NTM: variants seen among roughly 807,000 people sequenced by gnomAD.
NTM encodes IgLON family member 2.
NTM carries 13 observed loss-of-function variants against 42.1 expected under a neutral mutation model. That is an observed-to-expected ratio of 0.31 (90% CI 0.20 to 0.49). The LOEUF is 0.49. Ranked by LOEUF, NTM falls within the 20% of genes least tolerant of loss-of-function variation. NTM has a pLI of 0.99. For missense variants in NTM, 373 were observed against 452.8 expected, an observed-to-expected ratio of 0.82 and a Z score of 1.60; for synonymous variants, 187 against 179.2, an observed-to-expected ratio of 1.04 and a Z score of -0.35.
At chr11:131,761,916 C>G (rs74953229) in intron 1 of NTM, among the ~76,000 whole-genome samples, 7 of 150,342 alleles carry the variant, frequency 4.7e-5, no homozygotes, top group Non-Finnish European at 7.4e-5. Context: ...CTCTCTGTCT[C>G]TCTCTTCACT....
intron 1 of NTM, among the ~76,000 whole-genome samples, chr11:131,726,645 A>G (rs1169357475): frequency 6.6e-6 from 1 of 151,190 alleles, no homozygotes; most frequent in East Asian, 1.9e-4. Flanking sequence ...CCTCTTCCCA[A>G]GCCTCAGTTT....
intron 2 of NTM, among the ~76,000 whole-genome samples, chr11:132,027,378 T>C (rs1007459284): frequency 2.0e-5 from 3 of 152,204 alleles, no homozygotes; most frequent in African/African-American, 7.2e-5. Context: ...AACGATATCA[T>C]TTTCATTTTC....
intron 2 of NTM, among the ~76,000 whole-genome samples, chr11:132,004,164 T>C (rs2135337245): frequency 6.6e-6 from 1 of 152,182 alleles, no homozygotes; most frequent in East Asian, 1.9e-4. Flanking sequence ...AGGGGGGCAT[T>C]GGGAGAGTAA....
intron 1 of NTM, among the ~76,000 whole-genome samples, chr11:131,387,445 C>T (rs74471387): frequency 0.022 from 3,295 of 152,306 alleles, 106 homozygotes; most frequent in African/African-American, 0.075. Flanking sequence ...CGGGAATGTT[C>T]TTCCTGCAGG....
chr11:132,283,804 G>T (rs1208338741), intron 4 of NTM, among the ~76,000 whole-genome samples: 1 of 152,064 alleles, frequency 6.6e-6, no homozygotes, highest in Non-Finnish European at 1.5e-5. Context: ...TGTTCAATGG[G>T]GGGCTTTAGA....
chr11:131,911,028 C>G (rs2054812658), intron 1 of NTM: 3 of 1,031,948 alleles, frequency 2.9e-6, no homozygotes, highest in Middle Eastern at 4.9e-4. Flanking sequence ...GGATGTCCCC[C>G]GTTCGAACTG....
At chr11:131,499,504 C>T (rs2046461700) in intron 1 of NTM, among the ~76,000 whole-genome samples, 1 of 152,220 alleles carries the variant, frequency 6.6e-6, no homozygotes, top group Non-Finnish European at 1.5e-5. Flanking sequence ...TTCACTTTTG[C>T]TTCTTTCCAA....
At chr11:132,243,578 C>T (rs1199381399) in intron 4 of NTM, among the ~76,000 whole-genome samples, 1 of 152,102 alleles carries the variant, frequency 6.6e-6, no homozygotes, top group African/African-American at 2.4e-5. Context: ...AGAGGGTTTC[C>T]CTCATCCTTA....
chr11:131,379,579 C>A (rs35595674), intron 1 of NTM, among the ~76,000 whole-genome samples: 1 of 152,216 alleles, frequency 6.6e-6, no homozygotes, highest in South Asian at 2.1e-4. Flanking sequence ...TAGGACTTAC[C>A]TTGTAAGGTT....
chr11:131,910,405 CCTGGG>C (rs1402321562), intron 1 of NTM, among the ~76,000 whole-genome samples: 1 of 151,840 alleles, frequency 6.6e-6, no homozygotes, highest in African/African-American at 2.4e-5. Context: ...AAACTCCTGG[CCTGGG>C]CTGGGCTGGT....
At chr11:131,807,455 T>C (rs561284598) in intron 1 of NTM, among the ~76,000 whole-genome samples, 2 of 152,324 alleles carry the variant, frequency 1.3e-5, no homozygotes, top group Admixed American at 1.3e-4. Context: ...AGAAACATTA[T>C]GGAGAAGAAT....
In NTM at chr11:131,898,957, C is replaced by T. The variant is rs371898612; in HGVS notation, c.83-12607C>T. On this transcript the variant is annotated intron_variant, in intron 1 of 8. Coordinates refer to ENST00000683400, the MANE Select transcript of NTM (RefSeq NM_001352005.2). Reference sequence around the variant, plus strand: ...CTGTCACCATTCTCTTCCACTAGAGCGAAAAATGAAAAATTCTATGGAAAA... The same window carrying T: ...CTGTCACCATTCTCTTCCACTAGAGTGAAAAATGAAAAATTCTATGGAAAA... 1.1e-4 allele frequency among the ~76,000 whole-genome samples: 16 copies of T among 152,030 alleles called. No homozygotes were observed. The East Asian group carries it at 1.2e-3, about 11-fold the overall frequency.
chr11:132,293,677 T>A (rs1591799886), intron 4 of NTM, among the ~76,000 whole-genome samples: 1 of 107,814 alleles, frequency 9.3e-6, no homozygotes, highest in Non-Finnish European at 2.2e-5. Flanking sequence ...AAATGTAAGG[T>A]TTTTTTTTTT....
At chr11:131,507,036 C>A (rs924210188) in intron 1 of NTM, among the ~76,000 whole-genome samples, 1 of 152,138 alleles carries the variant, frequency 6.6e-6, no homozygotes, top group African/African-American at 2.4e-5. Flanking sequence ...TGTGAAGCCA[C>A]GTCCCTTATA....
intron 1 of NTM, among the ~76,000 whole-genome samples, chr11:131,620,165 T>C (rs1450183389): frequency 6.6e-6 from 1 of 152,208 alleles, no homozygotes; most frequent in East Asian, 1.9e-4. Context: ...ACTACGAGAC[T>C]ATATCCAAGA....
intron 2 of NTM, among the ~76,000 whole-genome samples, chr11:132,090,848 T>C (rs1446132530): frequency 6.6e-6 from 1 of 152,194 alleles, no homozygotes; most frequent in Non-Finnish European, 1.5e-5. Flanking sequence ...TTACACTTGC[T>C]GCTGTTGGGG....
chr11:131,911,158 C>A, intron 1 of NTM: 1 of 1,302,646 alleles, frequency 7.7e-7, no homozygotes, highest in South Asian at 1.7e-5. Context: ...GAAGCGGCTC[C>A]TGAGACGCGC....
chr11:131,445,295 A>G (rs1234152377), intron 1 of NTM, among the ~76,000 whole-genome samples: 1 of 152,190 alleles, frequency 6.6e-6, no homozygotes. Context: ...GCTTTACACT[A>G]TCAGCACCCA....
intron 4 of NTM, among the ~76,000 whole-genome samples, chr11:132,232,551 T>C (rs1321308663): frequency 6.6e-6 from 1 of 152,208 alleles, no homozygotes; most frequent in East Asian, 1.9e-4. Flanking sequence ...GTCAGAACAC[T>C]TGGTTTGCCT....
Sources: gnomAD v4.1 joint callset for allele counts (sites outside exome capture counted in the v4.1 genomes callset) on GRCh38, gnomAD v4.1.1 for gene constraint, MANE v1.5 for transcripts, NCBI Gene and HGNC (gene_info 2026-07-23, HGNC 2026-07-21) for gene names.